The following DACH2 variants were observed in gnomAD, a reference collection of about 807,000 sequenced individuals.
The protein encoded by DACH2 is dachshund homolog 2.
DACH2 carries 17 observed loss-of-function variants against 35.8 expected under a neutral mutation model. The observed-to-expected ratio is 0.48, with a 90% CI of 0.33 to 0.71. The LOEUF (loss-of-function observed/expected upper bound fraction) is 0.71, where lower values mean the gene tolerates loss of function less well. Among genes scored for constraint, DACH2 ranks in the 30% least tolerant of loss-of-function variants. The pLI is 0.02. For missense variants in DACH2, 469 were observed against 472.7 expected (o/e 0.99, Z 0.07); for synonymous variants, 195 against 177.3 (o/e 1.10, Z -0.79).
intron 1 of DACH2, among the ~76,000 whole-genome samples, chrX:86,248,698 A>G (rs2033337917): frequency 9.0e-6 from 1 of 111,276 alleles, no homozygotes; most frequent in Non-Finnish European, 1.9e-5. Flanking sequence ...AAATTGTTCC[A>G]GAATTCATAT....
chrX:86,527,373 A>C (rs932426936), intron 3 of DACH2, among the ~76,000 whole-genome samples: 1 of 111,511 alleles, frequency 9.0e-6, no homozygotes, highest in Non-Finnish European at 1.9e-5. Context: ...TCTCCCAGGT[A>C]ACCACTGATC....
intron 7 of DACH2, among the ~76,000 whole-genome samples, chrX:86,804,497 C>T (rs939730912): frequency 2.7e-5 from 3 of 111,629 alleles, no homozygotes; most frequent in African/African-American, 9.8e-5. Flanking sequence ...CCTGACCCCT[C>T]CCAAATCACA....
intron 2 of DACH2, among the ~76,000 whole-genome samples, chrX:86,458,202 T>C (rs765809847): frequency 7.2e-5 from 8 of 111,829 alleles, no homozygotes; most frequent in Non-Finnish European, 1.3e-4. Context: ...GAAAATTTTA[T>C]AGTTCATACT....
intron 5 of DACH2, among the ~76,000 whole-genome samples, chrX:86,710,664 C>G: frequency 9.0e-6 from 1 of 111,407 alleles, no homozygotes; most frequent in Non-Finnish European, 1.9e-5. Flanking sequence ...TGAAGGCTAA[C>G]GTGAATTCAA....
At chrX:86,406,712 A>G (rs1185945525) in intron 2 of DACH2, among the ~76,000 whole-genome samples, 1 of 112,193 alleles carries the variant, frequency 8.9e-6, no homozygotes, top group East Asian at 2.8e-4. Flanking sequence ...CAAGCTTTGA[A>G]CTGAGTGCTG....
intron 1 of DACH2, among the ~76,000 whole-genome samples, chrX:86,291,050 C>T (rs1194708938): frequency 2.0e-5 from 2 of 102,475 alleles, no homozygotes; most frequent in Non-Finnish European, 4.0e-5. Context: ...TTCTTCCTAC[C>T]CATGAGCATG....
chrX:86,733,435 G>T lies in DACH2; in HGVS notation c.1105-6312G>T, dbSNP rs182105936. 2.9e-3 allele frequency among the ~76,000 whole-genome samples: 324 copies of T among 111,941 alleles called. 2 individuals carry two copies. Among genetic ancestry groups the T allele is most frequent in the African/African-American group, 1.0e-2 (308 of 30,888 alleles). On this transcript the variant is annotated intron_variant, in intron 6 of 11. Coordinates refer to ENST00000373125, the MANE Select transcript of DACH2 (RefSeq NM_053281.3). ...TTGGTGTTGGCTCAACTATTAGCAT[G>T]TGTAGCTAAATAACTAATATAGCTA...
At chrX:86,248,615 C>T (rs2033335320) in intron 1 of DACH2, among the ~76,000 whole-genome samples, 1 of 111,220 alleles carries the variant, frequency 9.0e-6, no homozygotes, top group East Asian at 2.8e-4. Context: ...AATGGCGTTA[C>T]TCCCCAAAGC....
chrX:86,667,479 GAA>G (rs1247407267), intron 4 of DACH2, among the ~76,000 whole-genome samples: 23 of 98,366 alleles, frequency 2.3e-4, no homozygotes, highest in African/African-American at 8.6e-4. Context: ...AAGAAAGAAA[GAA>G]GGAAGGAAAG....
intron 6 of DACH2, among the ~76,000 whole-genome samples, chrX:86,736,652 T>A (rs959016163): frequency 1.8e-5 from 2 of 111,432 alleles, no homozygotes; most frequent in African/African-American, 6.5e-5. Context: ...AAGACCAAGT[T>A]TCACTGTCAG....
rs1236448246 is a variant in DACH2, at chrX:86,807,035, C to A, written c.1241-5821C>A. On this transcript the variant is annotated intron_variant, in intron 7 of 11. Transcript: ENST00000373125. ...CAATCAAACATGTCTGTAGCTATTG[C>A]CATATGTCCTCTGGGCAACAAAATT... Among the ~76,000 whole-genome samples, 3 of 111,310 alleles carry A rather than the reference C, an allele frequency of 2.7e-5. No homozygotes were observed. The East Asian group carries it at 8.5e-4, about 32-fold the overall frequency.
intron 3 of DACH2, among the ~76,000 whole-genome samples, chrX:86,586,297 A>G (rs6623724): frequency 0.41 from 45,200 of 109,900 alleles, 8,568 homozygotes; most frequent in African/African-American, 0.74. Flanking sequence ...AAGTTCCTTA[A>G]TGATTCTGGA....
intron 2 of DACH2, among the ~76,000 whole-genome samples, chrX:86,428,005 A>G (rs1389115631): frequency 1.8e-5 from 2 of 111,780 alleles, no homozygotes; most frequent in Non-Finnish European, 3.8e-5. Flanking sequence ...GTGGATTGTT[A>G]TTCAAATTTC....
At chrX:86,173,709 CT>C in intron 1 of DACH2, among the ~76,000 whole-genome samples, 1 of 111,773 alleles carries the variant, frequency 8.9e-6, no homozygotes, top group East Asian at 2.8e-4. Flanking sequence ...ATTTTGAAGA[CT>C]TTGGTTTTTT....
At chrX:86,663,520 T>G (rs1409941124) in intron 4 of DACH2, among the ~76,000 whole-genome samples, 3 of 111,437 alleles carry the variant, frequency 2.7e-5, no homozygotes, top group Non-Finnish European at 3.8e-5. Context: ...CTAATGCTGA[T>G]GAGAGGAGGG....
At chrX:86,725,614 G>A (rs991974822) in intron 6 of DACH2, among the ~76,000 whole-genome samples, 3 of 111,185 alleles carry the variant, frequency 2.7e-5, no homozygotes, top group African/African-American at 9.8e-5. Flanking sequence ...GATGAGTCCT[G>A]AAGGGCCAGT....
At chrX:86,758,387 C>T (rs1228053783) in intron 7 of DACH2, among the ~76,000 whole-genome samples, 2 of 111,517 alleles carry the variant, frequency 1.8e-5, no homozygotes, top group African/African-American at 6.5e-5. Context: ...CTTAGCACTG[C>T]ATTTGCTGTA....
intron 4 of DACH2, among the ~76,000 whole-genome samples, chrX:86,675,439 C>A (rs537315347): frequency 2.7e-5 from 3 of 112,062 alleles, no homozygotes; most frequent in African/African-American, 9.7e-5. Context: ...AATCCTAGCA[C>A]TTTACGAAGT....
At chrX:86,365,071 T>C (rs1338309734) in intron 1 of DACH2, among the ~76,000 whole-genome samples, 1 of 111,757 alleles carries the variant, frequency 8.9e-6, no homozygotes, top group African/African-American at 3.2e-5. Flanking sequence ...GTGAAATGGC[T>C]AACAATCTTC....
Sources: gnomAD v4.1 joint callset for allele counts (sites outside exome capture counted in the v4.1 genomes callset) on GRCh38, gnomAD v4.1.1 for gene constraint, MANE v1.5 for transcripts, NCBI Gene and HGNC (gene_info 2026-07-23, HGNC 2026-07-21) for gene names.